FHL2: variants seen among roughly 807,000 people sequenced by gnomAD.
FHL2 encodes the protein four and a half LIM domains 2, also known as four and a half LIM domains protein 2.
In FHL2, 20 loss-of-function variants were observed where a neutral mutation model predicts 32.7. The ratio of observed to expected loss-of-function variants is 0.61; its 90% CI spans 0.43 to 0.89. FHL2 has a LOEUF of 0.89. Ranked by LOEUF, FHL2 falls within the 40% of genes least tolerant of loss-of-function variation. FHL2 has a pLI of 0.00. For missense variants in FHL2, 311 were observed against 358.6 expected (o/e 0.87, Z 1.07); for synonymous variants, 123 against 128.1 (o/e 0.96, Z 0.27).
chr2:105,372,062 G>T (rs1681116658), intron 4 of FHL2, among the ~76,000 whole-genome samples: 1 of 152,164 alleles, frequency 6.6e-6, no homozygotes, highest in East Asian at 1.9e-4. Context: ...TGCCAACAGG[G>T]CTGGGACTGT....
intron 3 of FHL2, chr2:105,377,845 CCTTG>C: frequency 2.8e-6 from 1 of 352,932 alleles, no homozygotes; most frequent in South Asian, 2.2e-5. Context: ...GGGAGGAGAT[CCTTG>C]GCCTCTCTCT....
intron 1 of FHL2, among the ~76,000 whole-genome samples, chr2:105,406,844 G>A (rs1291008517): frequency 6.6e-6 from 1 of 152,090 alleles, no homozygotes; most frequent in African/African-American, 2.4e-5. Context: ...TGTGACTGCT[G>A]GAACTCCCTT....
rs9308884 is a variant in FHL2, at chr2:105,411,538, G to GTT, written c.-24-25000_-24-24999dup. 4.2e-4 allele frequency among the ~76,000 whole-genome samples: 34 copies of GTT among 81,168 alleles called. 1 individual carries two copies. The highest frequency in any genetic ancestry group is 1.6e-3 in the East Asian group (4 of 2,480). The allele number at this position is 81,168 out of a possible 152,430, so 53.2% of individuals were successfully genotyped here. A position where few individuals can be genotyped will look rare whatever the true frequency, so the allele number is the denominator to read the frequency against. On this transcript the variant is annotated intron_variant, in intron 1 of 5. Transcript: ENST00000393352. Reference sequence around the variant, plus strand: ...ATTTGTAAATGGTCCTGAACTTAGGGTTTTTTTTTTTTTTTTTTTTTTTTT... The same window carrying GTT: ...ATTTGTAAATGGTCCTGAACTTAGGGTTTTTTTTTTTTTTTTTTTTTTTTTTT...
At position 105,364,045 on chromosome 2, in the gene FHL2, T is replaced by C. The variant is rs183671387; in HGVS notation, c.502-574A>G. On this transcript the variant is annotated intron_variant, in intron 5 of 6. Transcript: ENST00000530340. Reference sequence around the variant, plus strand: ...GCCGAGGCAGGTGGATCACTTGAGGTCAGGAGTTCGAGACCAGCCTGGCCA... The same window carrying C: ...GCCGAGGCAGGTGGATCACTTGAGGCCAGGAGTTCGAGACCAGCCTGGCCA... 5.9e-5 allele frequency among the ~76,000 whole-genome samples: 9 copies of C among 152,266 alleles called. No homozygotes were observed. The East Asian group carries it at 1.7e-3, about 29-fold the overall frequency.
At chr2:105,437,303 T>A (rs59949327) in intron 1 of FHL2, among the ~76,000 whole-genome samples, 2,822 of 152,272 alleles carry the variant, frequency 0.019, 63 homozygotes, top group East Asian at 0.099. Context: ...ATAGACCTTA[T>A]TCCAGCCCAT....
chr2:105,433,834 A>AC (rs1684511744), intron 1 of FHL2, among the ~76,000 whole-genome samples: 2 of 152,100 alleles, frequency 1.3e-5, no homozygotes, highest in Admixed American at 1.3e-4. Flanking sequence ...TATGAAAATG[A>AC]TTTTTTTCTT....
At chr2:105,395,477 C>T (rs1420469334) in intron 2 of FHL2, among the ~76,000 whole-genome samples, 2 of 152,196 alleles carry the variant, frequency 1.3e-5, no homozygotes, top group Non-Finnish European at 2.9e-5. Flanking sequence ...GACCCCCACC[C>T]CCATGCTGGC....
At chr2:105,414,878 A>G (rs1298313514) in intron 1 of FHL2, among the ~76,000 whole-genome samples, 1 of 152,234 alleles carries the variant, frequency 6.6e-6, no homozygotes, top group Non-Finnish European at 1.5e-5. Flanking sequence ...TAGGAGCTGT[A>G]CATCAGGAAA....
At chr2:105,409,126 C>T (rs1683719182) in intron 1 of FHL2, among the ~76,000 whole-genome samples, 1 of 152,152 alleles carries the variant, frequency 6.6e-6, no homozygotes, top group Admixed American at 6.5e-5. Flanking sequence ...CCTCAGAGAC[C>T]AGTTGGGAGG....
intron 1 of FHL2, among the ~76,000 whole-genome samples, chr2:105,418,695 C>T (rs188618622): frequency 3.9e-5 from 6 of 152,250 alleles, no homozygotes; most frequent in Admixed American, 2.0e-4. Context: ...CGCCCTCCTC[C>T]CGCTCCCCTT....
At chr2:105,362,633 C>G (rs1680353845) in intron 6 of FHL2, among the ~76,000 whole-genome samples, 1 of 152,184 alleles carries the variant, frequency 6.6e-6, no homozygotes, top group African/African-American at 2.4e-5. Context: ...TTTTCTCTCC[C>G]CACCCAGTCA....
chr2:105,413,524 A>T (rs1235479506), intron 1 of FHL2, among the ~76,000 whole-genome samples: 2 of 152,036 alleles, frequency 1.3e-5, no homozygotes, highest in Non-Finnish European at 2.9e-5. Context: ...CCCGGGCTGG[A>T]GTACAGTGGC....
chr2:105,364,543 C>T (rs762397390), intron 5 of FHL2, among the ~76,000 whole-genome samples: 1 of 152,156 alleles, frequency 6.6e-6, no homozygotes, highest in Non-Finnish European at 1.5e-5. Flanking sequence ...TCAATTTTAC[C>T]TGATATTTTT....
At chr2:105,393,272 C>T (rs1465535734) in intron 2 of FHL2, among the ~76,000 whole-genome samples, 2 of 152,184 alleles carry the variant, frequency 1.3e-5, no homozygotes. Context: ...CAGGAGGCTC[C>T]TCTAACATAG....
intron 1 of FHL2, among the ~76,000 whole-genome samples, chr2:105,430,711 T>C (rs1313133881): frequency 6.6e-6 from 1 of 152,174 alleles, no homozygotes; most frequent in African/African-American, 2.4e-5. Flanking sequence ...CCCAGCCCTT[T>C]TGTGTAGGAG....
intron 5 of FHL2, among the ~76,000 whole-genome samples, chr2:105,367,153 G>A (rs1680694920): frequency 1.3e-5 from 2 of 151,998 alleles, no homozygotes; most frequent in South Asian, 2.1e-4. Context: ...TCTCACATCC[G>A]TCTCTCTCTC....
chr2:105,434,632 G>A (rs746321258), intron 1 of FHL2, among the ~76,000 whole-genome samples: 26 of 151,680 alleles, frequency 1.7e-4, no homozygotes, highest in African/African-American at 5.6e-4. Flanking sequence ...TTGCACCCTC[G>A]GCAATGAATA....
chr2:105,396,627 A>G lies in FHL2; in HGVS notation c.-25+20T>C. On this transcript the variant is annotated intron_variant, in intron 2 of 6. Transcript: ENST00000530340. Reference sequence around the variant, plus strand: ...TGAAATCCACAATTTAGGATAACAGAGGAAATTCACTTGACTCACCCCAAA... The same window carrying G: ...TGAAATCCACAATTTAGGATAACAGGGGAAATTCACTTGACTCACCCCAAA... 6.2e-7 allele frequency: 1 copy of G among 1,609,652 alleles called. No individual in the cohort carries two copies. Among genetic ancestry groups the G allele is most frequent in the Non-Finnish European group, 8.5e-7 (1 of 1,177,058 alleles).
At chr2:105,428,586 C>T (rs1192601876) in intron 1 of FHL2, among the ~76,000 whole-genome samples, 1 of 152,218 alleles carries the variant, frequency 6.6e-6, no homozygotes, top group Non-Finnish European at 1.5e-5. Context: ...CCGCCCATGG[C>T]TGCCCCATGA....
Sources: allele counts gnomAD v4.1 joint callset (sites outside exome capture counted in the v4.1 genomes callset), GRCh38; gene constraint gnomAD v4.1.1; transcripts MANE v1.5; gene names NCBI Gene and HGNC (gene_info 2026-07-23, HGNC 2026-07-21).